TBC1D8: variants seen among roughly 807,000 people sequenced by gnomAD.
TBC1D8 encodes the protein TBC1 domain family member 8, also known as BUB2-like protein 1.
Under a neutral mutation model 118.8 loss-of-function variants are expected in TBC1D8, and 65 were observed. The ratio of observed to expected loss-of-function variants is 0.55; its 90% CI spans 0.45 to 0.67. TBC1D8 has a LOEUF of 0.67. Among genes scored for constraint, TBC1D8 ranks in the 30% least tolerant of loss-of-function variants. The pLI, the probability that TBC1D8 is intolerant of heterozygous loss-of-function variation, is 0.00. For synonymous variants in TBC1D8, 566 were observed against 595.8 expected (o/e 0.95, Z 0.73); for missense variants, 1,376 against 1,471.2 (o/e 0.94, Z 1.06).
intron 1 of TBC1D8, among the ~76,000 whole-genome samples, chr2:101,111,916 TAAA>T (rs11296257): frequency 6.8e-5 from 10 of 146,604 alleles, no homozygotes; most frequent in East Asian, 4.0e-4. Flanking sequence ...ACCATAGTTT[TAAA>T]AAAAAAAAAA....
chr2:101,105,050 A>G (rs957260780), intron 1 of TBC1D8, among the ~76,000 whole-genome samples: 2 of 150,920 alleles, frequency 1.3e-5, no homozygotes, highest in Non-Finnish European at 2.9e-5. Context: ...AAAAACTTCT[A>G]CAACATAACA....
At position 101,062,876 on chromosome 2, in the gene TBC1D8, G is replaced by A. The variant is rs192025454; in HGVS notation, c.284-3337C>T. 5.3e-5 allele frequency among the ~76,000 whole-genome samples: 8 copies of A among 152,248 alleles called. No homozygotes were observed. The East Asian group carries it at 7.7e-4, about 15-fold the overall frequency. ...AGGCTGGCATCGAACTCCTGACCTC[G>A]TGATCCGCCCGCCTTGGCCTCCCAA... On this transcript the variant is annotated intron_variant, in intron 2 of 19. Transcript: ENST00000409318.
At chr2:101,035,861 C>T in intron 9 of TBC1D8, among the ~76,000 whole-genome samples, 157 bp downstream of exon 9, 1 of 152,234 alleles carries the variant, frequency 6.6e-6, no homozygotes, top group Non-Finnish European at 1.5e-5. Context: ...ACAGCTGACA[C>T]AACAGGGAGT....
chr2:101,045,311 G>A (rs985352808), intron 5 of TBC1D8, among the ~76,000 whole-genome samples: 1 of 152,112 alleles, frequency 6.6e-6, no homozygotes, highest in Non-Finnish European at 1.5e-5. Flanking sequence ...CCTACTTTCG[G>A]TAAAGATGTA....
chr2:101,051,224 C>T (rs1216618150), intron 4 of TBC1D8, among the ~76,000 whole-genome samples: 4 of 152,144 alleles, frequency 2.6e-5, no homozygotes, highest in African/African-American at 7.2e-5. Flanking sequence ...AACATACGCA[C>T]GTATGTGTCT....
chr2:101,025,655 A>G (rs1680297065), intron 15 of TBC1D8, among the ~76,000 whole-genome samples: 1 of 152,206 alleles, frequency 6.6e-6, no homozygotes, highest in Non-Finnish European at 1.5e-5. Context: ...AATAAGTCTT[A>G]CGCAGAACAT....
intron 2 of TBC1D8, among the ~76,000 whole-genome samples, chr2:101,084,214 G>A (rs536650435): frequency 3.3e-5 from 5 of 152,282 alleles, no homozygotes; most frequent in Admixed American, 2.0e-4. Context: ...TGGCACAAAC[G>A]TCATGGCAGG....
At position 101,051,542 on chromosome 2, in the gene TBC1D8, T is replaced by C. The variant is rs373227928; in HGVS notation, c.632-901A>G. ...AAGCCTACAGAATAGGGGAAGTTTT[T>C]TGCAAACTAGATATCTCACAAAGGT... On this transcript the variant is annotated intron_variant, in intron 4 of 19. Coordinates refer to ENST00000409318, the MANE Select transcript of TBC1D8 (RefSeq NM_001330348.2). Among the ~76,000 whole-genome samples the C allele has an allele frequency of 3.9e-5, 6 of 152,252 alleles. No individual in the cohort carries two copies. The South Asian group carries it at 8.3e-4, about 21-fold the overall frequency.
chr2:101,134,188 C>G (rs919777567), intron 1 of TBC1D8, among the ~76,000 whole-genome samples: 18 of 95,608 alleles, frequency 1.9e-4, no homozygotes, highest in African/African-American at 8.7e-4. Flanking sequence ...CTCTCTCTCT[C>G]TCTCTCTCTC....
chr2:101,065,203 C>T (rs1022246098), intron 2 of TBC1D8, among the ~76,000 whole-genome samples: 1 of 152,178 alleles, frequency 6.6e-6, no homozygotes, highest in Admixed American at 6.5e-5. Flanking sequence ...AATTAAGTGC[C>T]TTCTCCAGCC....
chr2:101,105,848 G>A (rs914609331), intron 1 of TBC1D8, among the ~76,000 whole-genome samples: 3 of 151,972 alleles, frequency 2.0e-5, no homozygotes, highest in African/African-American at 7.3e-5. Flanking sequence ...TATGATCCCT[G>A]CAATCGCACA....
At chr2:101,030,783 T>C (rs948775407) in intron 11 of TBC1D8, among the ~76,000 whole-genome samples, 1 of 152,196 alleles carries the variant, frequency 6.6e-6, no homozygotes, top group Admixed American at 6.5e-5. Flanking sequence ...AGCACACCAG[T>C]GAAATCCTAC....
chr2:101,070,562 A>G (rs1683257406), intron 2 of TBC1D8, among the ~76,000 whole-genome samples: 1 of 151,876 alleles, frequency 6.6e-6, no homozygotes, highest in Non-Finnish European at 1.5e-5. Flanking sequence ...ACAGGTGCCC[A>G]CCACCATGCC....
At chr2:101,013,809 TC>T (rs1192549233) in intron 17 of TBC1D8, among the ~76,000 whole-genome samples, 2 of 152,248 alleles carry the variant, frequency 1.3e-5, no homozygotes, top group African/African-American at 4.8e-5. Flanking sequence ...AATCTGGCCT[TC>T]AGATGCAGTT....
At chr2:101,017,368 A>C (rs951904589) in intron 17 of TBC1D8, among the ~76,000 whole-genome samples, 1 of 152,192 alleles carries the variant, frequency 6.6e-6, no homozygotes, top group African/African-American at 2.4e-5. Flanking sequence ...ACCCAGTATT[A>C]GGTGTTACAT....
At chr2:101,118,727 G>A (rs1254319838) in intron 1 of TBC1D8, among the ~76,000 whole-genome samples, 1 of 151,392 alleles carries the variant, frequency 6.6e-6, no homozygotes, top group Non-Finnish European at 1.5e-5. Flanking sequence ...CCACCAGGCT[G>A]GGCACAGTGG....
Position 101,037,531 on chromosome 2 carries a change from C to G in TBC1D8, c.1452+1G>C. ...CAGCTTGGGCACCAGGCGTCACCCA[C>G]CATTCGGGAGTCAGGGCTCTGGCTG... On this transcript the variant is annotated splice_donor_variant, in intron 8 of 19. Coordinates refer to ENST00000409318, the MANE Select transcript of TBC1D8 (RefSeq NM_001330348.2). LOFTEE classifies it high-confidence loss of function. The G allele has an allele frequency of 6.2e-7, 1 of 1,611,852 alleles. No individual in the cohort carries two copies. Among genetic ancestry groups the G allele is most frequent in the Non-Finnish European group, 8.5e-7 (1 of 1,179,726 alleles).
At chr2:101,133,474 C>G (rs533264702) in intron 1 of TBC1D8, among the ~76,000 whole-genome samples, 1 of 152,218 alleles carries the variant, frequency 6.6e-6, no homozygotes, top group South Asian at 2.1e-4. Flanking sequence ...ACCTGGATAG[C>G]TTATAAATAA....
chr2:101,085,861 G>T (rs574916882), intron 2 of TBC1D8, among the ~76,000 whole-genome samples: 1 of 152,352 alleles, frequency 6.6e-6, no homozygotes, highest in African/African-American at 2.4e-5. Context: ...TTGACAACAG[G>T]CCGGGCGCGG....
Sources: allele counts gnomAD v4.1 joint callset (sites outside exome capture counted in the v4.1 genomes callset), GRCh38; gene constraint gnomAD v4.1.1; transcripts MANE v1.5; gene names NCBI Gene and HGNC (gene_info 2026-07-23, HGNC 2026-07-21).